The following ZFHX4 variants were observed in gnomAD, a reference collection of about 807,000 sequenced individuals.
ZFHX4 encodes the protein zinc finger homeobox protein 4.
A neutral mutation model predicts 267.6 loss-of-function variants in ZFHX4; 56 were observed. The ratio of observed to expected loss-of-function variants is 0.21; its 90% confidence interval spans 0.17 to 0.26. ZFHX4 has a LOEUF of 0.26. ZFHX4 is among the 10% of genes least tolerant of loss of function. The pLI is 1.00. For synonymous variants in ZFHX4, 1,778 were observed against 1,665.6 expected (o/e 1.07, Z -1.64); for missense variants, 4,332 against 4,420.0 (o/e 0.98, Z 0.56).
Position 76,705,683 on chromosome 8 carries a change from A to C in ZFHX4, c.1595A>C (p.Asp532Ala). The C allele has an allele frequency of 6.2e-7, 1 of 1,614,022 alleles. No homozygotes were observed. The highest frequency in any genetic ancestry group is 1.7e-5 in the Admixed American group (1 of 60,032). Residue 532 changes from aspartate (D) to alanine (A), a missense_variant, in exon 2 of 11, where the codon GAC (aspartate) becomes GCC (alanine). This residue lies in a region of ZFHX4 where 1,195 missense variants were observed against 1,173.6 expected (regional missense o/e 1.02). Coordinates refer to ENST00000651372, the MANE Select transcript of ZFHX4 (RefSeq NM_024721.5). ...TSSSSATVSD[D>A]TEKKKQTAAV... ...TCCTCCTCGGCGACTGTTTCTGATG[A>C]CACAGAAAAGAAAAAACAGACTGCT...
rs1812982390 is a variant in ZFHX4, at chr8:76,864,633, A to ACTGCAGTT, written c.*70_*77dup. ...AAAATAAAAAAAAAATAAGACTTTA[A>ACTGCAGTT]CTGCAGTTCCAAAGCTTCTCTAACC... On this transcript the variant is annotated 3_prime_UTR_variant, in exon 11 of 11. Coordinates refer to ENST00000651372, the MANE Select transcript of ZFHX4 (RefSeq NM_024721.5). 2.4e-6 allele frequency: 3 copies of ACTGCAGTT among 1,227,462 alleles called. No individual in the cohort carries two copies. In the East Asian group the frequency reaches 7.9e-5, roughly 32 times the overall value. 76.0% of individuals were successfully genotyped at this position (1,227,462 alleles called of 1,614,324 possible).
At chr8:76,750,689 A>T (rs1809590625) in intron 3 of ZFHX4, among the ~76,000 whole-genome samples, 1 of 151,938 alleles carries the variant, frequency 6.6e-6, no homozygotes, top group African/African-American at 2.4e-5. Context: ...TATTTATCTC[A>T]TTTTTCCATT....
intron 3 of ZFHX4, among the ~76,000 whole-genome samples, chr8:76,722,006 T>C (rs1563484143): frequency 1.3e-5 from 2 of 152,242 alleles, no homozygotes; most frequent in East Asian, 1.9e-4. Flanking sequence ...TCTGATGTAA[T>C]ATTCGATGTT....
Position 76,852,387 on chromosome 8 carries a change from A to T in ZFHX4, c.5466A>T (p.Pro1822=). 1 of 1,554,422 alleles carries T rather than the reference A, an allele frequency of 6.4e-7. No individual in the cohort carries two copies. Among genetic ancestry groups the T allele is most frequent in the Non-Finnish European group, 8.7e-7 (1 of 1,148,412 alleles). Residue 1822 remains proline (P), a synonymous_variant, in exon 10 of 11, where the codon CCA becomes CCT. Coordinates refer to ENST00000651372, the MANE Select transcript of ZFHX4 (RefSeq NM_024721.5). ...AACAACAGCAGCAGCCACCACCTCC[A>T]CAGCAGCAGCAGCAACAGCAGGCAA... ...PQKQQQQPPP[P]QQQQQQQASK... is the part of the protein sequence containing the mutation.
chr8:76,694,665 G>GC (rs1298882726), intron 1 of ZFHX4, among the ~76,000 whole-genome samples: 1 of 47,872 alleles, frequency 2.1e-5, no homozygotes, highest in Non-Finnish European at 4.1e-5. Flanking sequence ...TCCTGCACCC[G>GC]CCCCCCACCC....
At chr8:76,835,403 A>T (rs923665027) in intron 5 of ZFHX4, among the ~76,000 whole-genome samples, 1 of 151,516 alleles carries the variant, frequency 6.6e-6, no homozygotes, top group African/African-American at 2.4e-5. Context: ...ATATGACCCC[A>T]GTTTCCAGAT....
At chr8:76,813,670 C>A (rs935175533) in intron 4 of ZFHX4, among the ~76,000 whole-genome samples, 3 of 151,988 alleles carry the variant, frequency 2.0e-5, no homozygotes, top group Non-Finnish European at 2.9e-5. Context: ...AGATTATGCC[C>A]AAAACTAGCC....
chr8:76,707,961 C>T lies in ZFHX4; in HGVS notation c.3006C>T (p.Asn1002=), dbSNP rs376831938. ...GCAACCCTGTTCACCTAAAATGTAA[C>T]GCCTGTGACTATTACACCAACAGTG... is the stretch of plus-strand genomic sequence containing the variant. ...AIGNPVHLKC[N]ACDYYTNSVD... The change falls in exon 3 of 11, where the codon AAC becomes AAT. Residue 1002 remains asparagine (N), a synonymous_variant. Transcript: ENST00000651372. 1.0e-4 allele frequency: 169 copies of T among 1,613,914 alleles called. No individual in the cohort carries two copies. Among genetic ancestry groups the T allele is most frequent in the Admixed American group, 3.5e-4 (21 of 60,008 alleles).
intron 5 of ZFHX4, among the ~76,000 whole-genome samples, chr8:76,842,162 T>C (rs1812250767): frequency 6.6e-6 from 1 of 152,272 alleles, no homozygotes; most frequent in South Asian, 2.1e-4. Flanking sequence ...GATCTTACTC[T>C]AAGAAAATGC....
At chr8:76,848,428 T>A (rs762317331) in intron 6 of ZFHX4, among the ~76,000 whole-genome samples, 8 of 152,210 alleles carry the variant, frequency 5.3e-5, no homozygotes, top group Non-Finnish European at 1.0e-4. Flanking sequence ...TACAGCCAAC[T>A]GCTGAAATAT....
intron 10 of ZFHX4, among the ~76,000 whole-genome samples, chr8:76,856,965 G>A (rs1159765828): frequency 6.6e-6 from 1 of 152,128 alleles, no homozygotes; most frequent in Admixed American, 6.6e-5. Context: ...AGCAACCTTA[G>A]AAATACATTA....
At chr8:76,835,241 G>GTATATATATATATA (rs144954045) in intron 5 of ZFHX4, among the ~76,000 whole-genome samples, 3 of 42,636 alleles carry the variant, frequency 7.0e-5, no homozygotes, top group East Asian at 7.5e-4. Flanking sequence ...ATATATATAT[G>GTATATATATATATA]TATATATATA....
At chr8:76,726,370 A>G (rs1808853395) in intron 3 of ZFHX4, among the ~76,000 whole-genome samples, 1 of 152,190 alleles carries the variant, frequency 6.6e-6, no homozygotes, top group Admixed American at 6.6e-5. Flanking sequence ...TTTATTGGAA[A>G]TATTGATACC....
At chr8:76,717,285 A>G (rs1034385576) in intron 3 of ZFHX4, among the ~76,000 whole-genome samples, 2 of 152,130 alleles carry the variant, frequency 1.3e-5, no homozygotes, top group African/African-American at 4.8e-5. Context: ...TATGTTGATA[A>G]TACACTCCTT....
intron 3 of ZFHX4, among the ~76,000 whole-genome samples, chr8:76,750,142 G>C (rs564897797): frequency 1.3e-5 from 2 of 152,120 alleles, no homozygotes; most frequent in African/African-American, 4.8e-5. Context: ...ACCTGTTAGT[G>C]ATTAACCAAG....
chr8:76,800,198 G>A (rs559917244), intron 4 of ZFHX4, among the ~76,000 whole-genome samples: 1 of 152,192 alleles, frequency 6.6e-6, no homozygotes, highest in Non-Finnish European at 1.5e-5. Flanking sequence ...GCAAATGATG[G>A]TGTCAGGCCA....
chr8:76,738,681 C>T (rs951387823), intron 3 of ZFHX4, among the ~76,000 whole-genome samples: 7 of 132,876 alleles, frequency 5.3e-5, no homozygotes, highest in Non-Finnish European at 1.1e-4. Context: ...CTCCCTTCCT[C>T]CCTCCCTCCT....
rs140832682 is a variant in ZFHX4 at position 76,687,952 on chromosome 8, A to G, written c.-47+6332A>G. Among the ~76,000 whole-genome samples, 649 of 152,258 alleles carry G rather than the reference A, an allele frequency of 4.3e-3. 1 individual carries two copies. Among genetic ancestry groups the G allele is most frequent in the Middle Eastern group, 0.01 (3 of 294 alleles). On this transcript the variant is annotated intron_variant, in intron 1 of 10. Transcript: ENST00000651372. ...TGCAGGCTTCTCTTTCTTTATGTCT[A>G]TGCTCCGCTCTCTCTAAAGTTATGT... is the stretch of plus-strand genomic sequence containing the variant.
At position 76,705,322 on chromosome 8, in the gene ZFHX4, T is replaced by C. The variant is rs776338137; in HGVS notation, c.1234T>C (p.Ser412Pro). ...PKAEVNLGGL[S>P]SLVVNTPITS... ...GGCTGAAGTGAATCTGGGGGGGCTG[T>C]CTAGTTTAGTAGTGAACACCCCAAT... Residue 412 changes from serine (S) to proline (P), a missense_variant, in exon 2 of 11, where the codon TCT becomes CCT. Physicochemically the swap from Ser to Pro is moderately conservative, Grantham distance 74 (BLOSUM62 -1). This residue lies in a region of ZFHX4 where 1,195 missense variants were observed against 1,173.6 expected (regional missense o/e 1.02). Coordinates refer to ENST00000651372, the MANE Select transcript of ZFHX4 (RefSeq NM_024721.5). 1 of 1,613,966 alleles carries C rather than the reference T, an allele frequency of 6.2e-7. No homozygotes were observed. Among genetic ancestry groups the C allele is most frequent in the Non-Finnish European group, 8.5e-7 (1 of 1,179,888 alleles).
Sources: gnomAD v4.1 joint callset for allele counts (sites outside exome capture counted in the v4.1 genomes callset) on GRCh38, gnomAD v4.1.1 for gene constraint, gnomAD v4.1.1 regional missense constraint, MANE v1.5 for transcripts, NCBI Gene and HGNC (gene_info 2026-07-23, HGNC 2026-07-21) for gene names.